KYAT1: variants seen among roughly 807,000 people sequenced by gnomAD.
KYAT1 encodes kynurenine--oxoglutarate transaminase 1.
Under a neutral mutation model 52.4 loss-of-function variants are expected in KYAT1, and 47 were observed. The ratio of observed to expected loss-of-function variants is 0.90; its 90% CI spans 0.71 to 1.14. The LOEUF is 1.14. Ranked by LOEUF, KYAT1 falls within the 50% of genes most tolerant of loss-of-function variation. The pLI, the probability that KYAT1 is intolerant of heterozygous loss-of-function variation, is 0.00. For missense variants in KYAT1, 480 were observed against 557.9 expected (o/e 0.86, Z 1.41); for synonymous variants, 212 against 209.6 (o/e 1.01, Z -0.10).
At chr9:128,870,035 C>T (rs1404791136) in intron 1 of KYAT1, among the ~76,000 whole-genome samples, 3 of 151,984 alleles carry the variant, frequency 2.0e-5, no homozygotes, top group Non-Finnish European at 2.9e-5. Context: ...ATTACCCGGG[C>T]CCGGCAGATA....
At chr9:128,839,571 G>A (rs933695396) in intron 3 of KYAT1, among the ~76,000 whole-genome samples, 4 of 152,102 alleles carry the variant, frequency 2.6e-5, no homozygotes, top group Admixed American at 2.0e-4. Context: ...CTTGCAGTGA[G>A]CCGAGATCGC....
At chr9:128,834,990 T>C (rs1022688256) in intron 11 of KYAT1, among the ~76,000 whole-genome samples, 1 of 150,990 alleles carries the variant, frequency 6.6e-6, no homozygotes, top group African/African-American at 2.4e-5. Flanking sequence ...CAAAAAAAAT[T>C]AGCCGGGCAA....
chr9:128,869,051 G>C (rs1333057044), intron 1 of KYAT1, among the ~76,000 whole-genome samples: 1 of 152,024 alleles, frequency 6.6e-6, no homozygotes, highest in Non-Finnish European at 1.5e-5. Context: ...TGTTGCCCAG[G>C]CTGGTCTCAA....
intron 7 of KYAT1, 132 bp from the exon 8 acceptor site, chr9:128,836,205 C>T: frequency 1.6e-6 from 1 of 621,546 alleles, no homozygotes; most frequent in South Asian, 2.5e-5. Flanking sequence ...GTTATTTGCA[C>T]AATTTTTTTT....
intron 3 of KYAT1, chr9:128,840,461 G>A (rs1831947145): frequency 3.1e-6 from 1 of 321,374 alleles, no homozygotes; most frequent in Admixed American, 4.5e-5. Flanking sequence ...ATGTTGGGCA[G>A]GCTGGTCTTG....
intron 2 of KYAT1, 128 bp from the exon 3 acceptor site, chr9:128,842,929 G>C: frequency 1.2e-6 from 1 of 845,102 alleles, no homozygotes; most frequent in Non-Finnish European, 1.8e-6. Flanking sequence ...CACTTTGGGA[G>C]GCCGAGGTGG....
At chr9:128,872,146 AAAG>A (rs1264987385) in intron 1 of KYAT1, among the ~76,000 whole-genome samples, 3 of 148,260 alleles carry the variant, frequency 2.0e-5, no homozygotes, top group African/African-American at 7.5e-5. Flanking sequence ...AAAAAAAAAA[AAAG>A]ACCATGTTGA....
chr9:128,881,237 C>T (rs970713688), intron 1 of KYAT1, among the ~76,000 whole-genome samples: 1 of 152,122 alleles, frequency 6.6e-6, no homozygotes, highest in Non-Finnish European at 1.5e-5. Flanking sequence ...CCCACCACCA[C>T]GCCCGGCTGA....
intron 1 of KYAT1, among the ~76,000 whole-genome samples, chr9:128,868,703 ATTTTT>A (rs1202846765): frequency 7.6e-6 from 1 of 131,976 alleles, no homozygotes. Flanking sequence ...TGCCTGGCTA[ATTTTT>A]TTTTTTTTTT....
intron 1 of KYAT1, chr9:128,845,661 C>T (rs771649402): frequency 2.3e-5 from 12 of 529,436 alleles, no homozygotes; most frequent in Middle Eastern, 5.2e-4. Flanking sequence ...GGCTGCCTGG[C>T]GCCTGCCCAG....
At chr9:128,842,382 T>C (rs74731024) in intron 3 of KYAT1, among the ~76,000 whole-genome samples, 31 of 152,274 alleles carry the variant, frequency 2.0e-4, no homozygotes, top group African/African-American at 7.2e-4. Flanking sequence ...TCCCCAGGTT[T>C]CATTCCCTCT....
chr9:128,836,112 T>C, intron 7 of KYAT1, 39 bp from the exon 8 acceptor site: 1 of 1,600,042 alleles, frequency 6.2e-7, no homozygotes, highest in Non-Finnish European at 8.6e-7. Flanking sequence ...GAGACTGGGG[T>C]GAGGGGGACG....
intron 3 of KYAT1, among the ~76,000 whole-genome samples, chr9:128,841,469 C>T (rs1832149657): frequency 6.6e-6 from 1 of 151,658 alleles, no homozygotes; most frequent in Non-Finnish European, 1.5e-5. Context: ...TGCAGTGAGC[C>T]GAGATCGTGC....
At chr9:128,872,726 C>T (rs1032581555) in intron 1 of KYAT1, among the ~76,000 whole-genome samples, 5 of 150,002 alleles carry the variant, frequency 3.3e-5, no homozygotes, top group South Asian at 4.2e-4. Context: ...AAGATCGCAC[C>T]GTTTGCACTC....
At chr9:128,880,611 T>C (rs150001222) in intron 1 of KYAT1, among the ~76,000 whole-genome samples, 7,305 of 151,844 alleles carry the variant, frequency 0.048, 276 homozygotes, top group East Asian at 0.15. Context: ...CCGGCTAATT[T>C]TTTTGTATTT....
intron 1 of KYAT1, chr9:128,847,558 T>A: frequency 6.7e-7 from 1 of 1,492,460 alleles, no homozygotes; most frequent in Non-Finnish European, 9.0e-7. Flanking sequence ...CACTGCAGAC[T>A]TTTCCAGAGG....
chr9:128,849,660 G>A lies in KYAT1; in HGVS notation c.-6-4249C>T, dbSNP rs192443052. Among the ~76,000 whole-genome samples the A allele has an allele frequency of 1.0e-4, 15 of 149,894 alleles. No homozygotes were observed. In the East Asian group the frequency reaches 3.1e-3, roughly 31 times the overall value. On this transcript the variant is annotated intron_variant, in intron 1 of 12. Coordinates refer to ENST00000302586, the MANE Select transcript of KYAT1 (RefSeq NM_004059.5). ...AAAATACAAAAAATTAGCCAGGCATGGTGGTTGGCACCTGTAATCCCAGCT... is the reference window on the plus strand; with the variant it reads ...AAAATACAAAAAATTAGCCAGGCATAGTGGTTGGCACCTGTAATCCCAGCT...
intron 1 of KYAT1, among the ~76,000 whole-genome samples, chr9:128,858,647 A>C (rs1330840276): frequency 6.6e-6 from 1 of 152,016 alleles, no homozygotes; most frequent in Non-Finnish European, 1.5e-5. Flanking sequence ...GCAGTGAGCC[A>C]CTGCACCATT....
At chr9:128,880,546 A>AT (rs1393610371) in intron 1 of KYAT1, among the ~76,000 whole-genome samples, 1 of 151,290 alleles carries the variant, frequency 6.6e-6, no homozygotes, top group Non-Finnish European at 1.5e-5. Context: ...GGTTCATGCC[A>AT]TTCTCCTGCC....
Sources: allele counts gnomAD v4.1 joint callset (sites outside exome capture counted in the v4.1 genomes callset), GRCh38; gene constraint gnomAD v4.1.1; transcripts MANE v1.5; gene names NCBI Gene and HGNC (gene_info 2026-07-23, HGNC 2026-07-21).